SPG21: variants seen among roughly 807,000 people sequenced by gnomAD.
The protein encoded by SPG21 is SPG21 abhydrolase domain containing, maspardin, also known as maspardin.
Under a neutral mutation model 38.9 loss-of-function variants are expected in SPG21, and 26 were observed. The observed-to-expected ratio is 0.67, with a 90% CI of 0.49 to 0.93. The LOEUF (loss-of-function observed/expected upper bound fraction) is 0.93, where lower values mean the gene tolerates loss of function less well. Among genes scored for constraint, SPG21 ranks in the 40% least tolerant of loss-of-function variants. SPG21 has a pLI of 0.00. For missense variants in SPG21, 333 were observed against 376.5 expected (o/e 0.88, Z 0.96); for synonymous variants, 136 against 128.9 (o/e 1.05, Z -0.37).
chr15:64,976,625 A>T, intron 3 of SPG21, 70 bp from the exon 4 acceptor site: 1 of 1,218,752 alleles, frequency 8.2e-7, no homozygotes, highest in Non-Finnish European at 1.2e-6. Context: ...TATTTGAAAA[A>T]CTTAGGACTC....
intron 1 of SPG21, among the ~76,000 whole-genome samples, chr15:64,986,732 C>CA (rs201937468): frequency 0.024 from 3,583 of 150,620 alleles, 57 homozygotes; most frequent in Admixed American, 0.027. Context: ...AAACAAAAAA[C>CA]AAAAAAAAAC....
intron 3 of SPG21, among the ~76,000 whole-genome samples, chr15:64,977,505 T>C (rs2085804221): frequency 6.6e-6 from 1 of 152,034 alleles, no homozygotes; most frequent in Non-Finnish European, 1.5e-5. Context: ...ATCACAGGCA[T>C]GCACCACCAT....
At chr15:64,964,642 T>C (rs1237424648) in intron 8 of SPG21, among the ~76,000 whole-genome samples, 2 of 152,088 alleles carry the variant, frequency 1.3e-5, no homozygotes, top group Non-Finnish European at 1.5e-5. Context: ...TTCTTTTCTT[T>C]TTTTTTGAGA....
Position 64,980,819 on chromosome 15 carries a change from A to AC in SPG21, c.225+44_225+45insG, listed in dbSNP as rs768438183. On this transcript the variant is annotated intron_variant, in intron 3 of 8. Transcript: ENST00000204566. ...TGAGAGACAGAAGCATAAAAAAAAA[A>AC]AAACACACAAAACGTGGGTCTGAAT... is the stretch of plus-strand genomic sequence containing the variant. The AC allele has an allele frequency of 4.1e-5, 66 of 1,606,522 alleles. 1 individual carries two copies. In the African/African-American group the frequency reaches 5.0e-4, roughly 12 times the overall value.
At chr15:64,969,877 G>A (rs2085626118) in intron 6 of SPG21, among the ~76,000 whole-genome samples, 1 of 152,150 alleles carries the variant, frequency 6.6e-6, no homozygotes. Context: ...TGGATGATCT[G>A]CTGTGAGGCC....
At chr15:64,968,797 C>T (rs1292162712) in intron 7 of SPG21, among the ~76,000 whole-genome samples, 2 of 152,156 alleles carry the variant, frequency 1.3e-5, no homozygotes, top group Non-Finnish European at 2.9e-5. Flanking sequence ...CTTCTCTTTG[C>T]TGCCCATATA....
At chr15:64,983,161 G>A in intron 2 of SPG21, 1 of 275,930 alleles carries the variant, frequency 3.6e-6, no homozygotes, top group Non-Finnish European at 7.6e-6. Context: ...GGCAGGTTGA[G>A]GCAGGAGAAT....
At chr15:64,986,040 G>T (rs1179173120) in intron 1 of SPG21, among the ~76,000 whole-genome samples, 4 of 152,158 alleles carry the variant, frequency 2.6e-5, no homozygotes, top group African/African-American at 4.8e-5. Flanking sequence ...GTGAAATAAA[G>T]AAAATTCTTT....
In SPG21 at chr15:64,965,531, C is replaced by T. The variant is rs373117964; in HGVS notation, c.670-71G>A. On this transcript the variant is annotated intron_variant, in intron 7 of 8. Coordinates refer to ENST00000204566, the MANE Select transcript of SPG21 (RefSeq NM_016630.7). Reference sequence around the variant, plus strand: ...ACACACACATACAGAAAGCTGTAATCAACTAGTGTTTTAATATGTTCTTTT... The same window carrying T: ...ACACACACATACAGAAAGCTGTAATTAACTAGTGTTTTAATATGTTCTTTT... The T allele has an allele frequency of 2.3e-5, 37 of 1,597,768 alleles. No individual in the cohort carries two copies. The East Asian group carries it at 4.9e-4, about 21-fold the overall frequency.
Position 64,963,357 on chromosome 15 carries a change from C to G in SPG21, c.*263G>C. On this transcript the variant is annotated 3_prime_UTR_variant, in exon 9 of 9. Coordinates refer to ENST00000204566, the MANE Select transcript of SPG21 (RefSeq NM_016630.7). Reference sequence around the variant, plus strand: ...ACACAGTGGTGAAGACTTTTGGTAGCAAAATTTGCACGGTTCTTAAAATGG... The same window carrying G: ...ACACAGTGGTGAAGACTTTTGGTAGGAAAATTTGCACGGTTCTTAAAATGG... 2.4e-6 allele frequency: 1 copy of G among 421,920 alleles called. No individual in the cohort carries two copies. The highest frequency in any genetic ancestry group is 4.3e-6 in the Non-Finnish European group (1 of 232,998). The allele number at this position is 421,920 out of a possible 1,614,324, so 26.1% of individuals were successfully genotyped here. A position where few individuals can be genotyped will look rare whatever the true frequency, so the allele number is the denominator to read the frequency against.
At chr15:64,969,807 G>A (rs2085624619) in intron 6 of SPG21, among the ~76,000 whole-genome samples, 1 of 152,148 alleles carries the variant, frequency 6.6e-6, no homozygotes, top group Admixed American at 6.5e-5. Flanking sequence ...TTACCTGGTG[G>A]GTAGAGGAAA....
At chr15:64,975,951 G>C (rs1028237697) in intron 4 of SPG21, among the ~76,000 whole-genome samples, 6 of 152,068 alleles carry the variant, frequency 3.9e-5, no homozygotes, top group East Asian at 3.9e-4. Context: ...GGGCTAGTAG[G>C]GGGGAAGATG....
In SPG21 at chr15:64,983,552, G is replaced by A; in HGVS notation, c.18C>T (p.Val6=). 1.9e-6 allele frequency: 3 copies of A among 1,577,500 alleles called. No individual in the cohort carries two copies. In the South Asian group the frequency reaches 3.5e-5, roughly 18 times the overall value. Residue 6 remains valine (V), a synonymous_variant, in exon 2 of 9, where the codon GTC becomes GTT. Transcript: ENST00000204566. Reference sequence around the variant, plus strand: ...CTCTAAACCAGTTATAATCAGGAGAGACTTTAATCTCTCCCATGATTAGCT... The same window carrying A: ...CTCTAAACCAGTTATAATCAGGAGAAACTTTAATCTCTCCCATGATTAGCT... MGEIK[V]SPDYNWFRGT... is the part of the protein sequence containing the mutation.
chr15:64,988,670 T>G (rs1660922793), intron 1 of SPG21: 1 of 152,254 alleles, frequency 6.6e-6, no homozygotes, highest in African/African-American at 2.4e-5. Flanking sequence ...GCTTTTGGAA[T>G]TTGGACACAG....
intron 5 of SPG21, among the ~76,000 whole-genome samples, chr15:64,973,788 T>C (rs1388415240): frequency 6.6e-6 from 1 of 152,182 alleles, no homozygotes; most frequent in Non-Finnish European, 1.5e-5. Context: ...AACAGACTAA[T>C]ATCAAGGGTC....
chr15:64,963,779 G>A (rs994575881), intron 8 of SPG21, 43 bp from the exon 9 acceptor site: 4 of 1,567,004 alleles, frequency 2.6e-6, no homozygotes, highest in Non-Finnish European at 3.5e-6. Flanking sequence ...TTTTTGAGCT[G>A]GAGTGTCACT....
At chr15:64,988,707 C>A (rs908802752) in intron 1 of SPG21, 5 of 152,284 alleles carry the variant, frequency 3.3e-5, no homozygotes, top group African/African-American at 9.7e-5. Context: ...CAGTGGCCAG[C>A]CGCGATGGCT....
Position 64,965,402 on chromosome 15 carries a change from G to A in SPG21, c.728C>T (p.Pro243Leu). The A allele has an allele frequency of 6.2e-7, 1 of 1,614,122 alleles. No individual in the cohort carries two copies. The change falls in exon 8 of 9, where the codon CCT (proline) becomes CTT (leucine). Residue 243 changes from proline (P) to leucine (L), a missense_variant. Coordinates refer to ENST00000204566, the MANE Select transcript of SPG21 (RefSeq NM_016630.7). ...EAKEEMYKLY[P>L]NARRAHLKTG... ...TTTCAGATGAGCTCTTCGGGCATTA[G>A]GATACAGCTTGTACATTTCTTCTTT...
At chr15:64,967,631 G>A (rs2085569228) in intron 7 of SPG21, among the ~76,000 whole-genome samples, 1 of 152,124 alleles carries the variant, frequency 6.6e-6, no homozygotes, top group African/African-American at 2.4e-5. Flanking sequence ...GTGCCACCAT[G>A]CCCGGCTAAT....
Sources: allele counts gnomAD v4.1 joint callset (sites outside exome capture counted in the v4.1 genomes callset), GRCh38; gene constraint gnomAD v4.1.1; transcripts MANE v1.5; gene names NCBI Gene and HGNC (gene_info 2026-07-23, HGNC 2026-07-21).